SHTN1: variants seen among roughly 807,000 people sequenced by gnomAD.
The protein encoded by SHTN1 is shootin-1.
A neutral mutation model predicts 83.1 loss-of-function variants in SHTN1; 42 were observed. The ratio of observed to expected loss-of-function variants is 0.51; its 90% confidence interval spans 0.39 to 0.65. The LOEUF (loss-of-function observed/expected upper bound fraction) is 0.65, where lower values mean the gene tolerates loss of function less well. Among genes scored for constraint, SHTN1 ranks in the 30% least tolerant of loss-of-function variants. The pLI is 0.00. For missense variants in SHTN1, 622 were observed against 737.8 expected, an observed-to-expected ratio of 0.84 and a Z score of 1.82; for synonymous variants, 224 against 247.7, an observed-to-expected ratio of 0.90 and a Z score of 0.90.
intron 3 of SHTN1, among the ~76,000 whole-genome samples, chr10:116,963,544 C>T (rs748198084): frequency 8.6e-5 from 13 of 151,918 alleles, no homozygotes; most frequent in African/African-American, 2.9e-4. Context: ...ATAAAGTGTC[C>T]GTAATACTGC....
At chr10:117,099,579 A>G (rs1015747320) in intron 1 of SHTN1, among the ~76,000 whole-genome samples, 2 of 152,194 alleles carry the variant, frequency 1.3e-5, no homozygotes, top group African/African-American at 4.8e-5. Context: ...TCCAAAACTC[A>G]CATTCTTTTC....
chr10:116,971,185 T>G (rs1323948519), intron 2 of SHTN1, among the ~76,000 whole-genome samples: 2 of 152,120 alleles, frequency 1.3e-5, no homozygotes, highest in Non-Finnish European at 2.9e-5. Context: ...AGTGTTAAAT[T>G]AGCAAATCTG....
At chr10:116,970,828 T>A (rs1000562113) in intron 2 of SHTN1, among the ~76,000 whole-genome samples, 2 of 151,938 alleles carry the variant, frequency 1.3e-5, no homozygotes, top group African/African-American at 4.8e-5. Context: ...TGCTTTATGA[T>A]ACATCTAATA....
chr10:116,947,026 A>T (rs760442195), intron 7 of SHTN1, among the ~76,000 whole-genome samples: 4 of 152,008 alleles, frequency 2.6e-5, no homozygotes, highest in Non-Finnish European at 5.9e-5. Context: ...TGGACATATA[A>T]GTTATTTTTA....
chr10:116,937,390 GT>G (rs1849212803), intron 9 of SHTN1, among the ~76,000 whole-genome samples: 1 of 152,154 alleles, frequency 6.6e-6, no homozygotes, highest in Admixed American at 6.6e-5. Flanking sequence ...TTGTCTGTCT[GT>G]AAAGGATTTT....
intron 3 of SHTN1, among the ~76,000 whole-genome samples, chr10:116,966,031 G>A (rs901817103): frequency 2.6e-5 from 4 of 151,530 alleles, no homozygotes; most frequent in Admixed American, 6.6e-5. Flanking sequence ...TTTTTGAGAC[G>A]GAGTCTCACC....
In SHTN1 at chr10:117,005,133, C is replaced by G; in HGVS notation, c.-54G>C. ...GAAAGAGGGAGCGGCGCGGGGCACA[C>G]AGGAGGAGGGGGAAGAAAAAGCAAG... On this transcript the variant is annotated 5_prime_UTR_variant, in exon 1 of 17. Transcript: ENST00000355371. 3 of 1,560,700 alleles carry G rather than the reference C, an allele frequency of 1.9e-6. No homozygotes were observed. The highest frequency in any genetic ancestry group is 2.6e-6 in the Non-Finnish European group (3 of 1,151,722).
intron 9 of SHTN1, among the ~76,000 whole-genome samples, chr10:116,937,107 C>G (rs1849198343): frequency 6.6e-6 from 1 of 152,102 alleles, no homozygotes; most frequent in East Asian, 1.9e-4. Context: ...GGTCTTGACT[C>G]TTTATCCAAT....
intron 1 of SHTN1, among the ~76,000 whole-genome samples, chr10:117,063,953 A>G (rs1852935685): frequency 6.6e-6 from 1 of 152,184 alleles, no homozygotes; most frequent in South Asian, 2.1e-4. Flanking sequence ...ACTTTTCACC[A>G]TATTCCCTAA....
chr10:116,917,120 G>C (rs568256349), intron 12 of SHTN1, among the ~76,000 whole-genome samples: 2 of 152,238 alleles, frequency 1.3e-5, no homozygotes, highest in Non-Finnish European at 2.9e-5. Context: ...AGTAAATTAT[G>C]ATGGGTAGAA....
At chr10:117,118,509 A>T (rs1853882566) in intron 1 of SHTN1, among the ~76,000 whole-genome samples, 1 of 152,180 alleles carries the variant, frequency 6.6e-6, no homozygotes, top group East Asian at 1.9e-4. Flanking sequence ...AAAAAACTAA[A>T]AATAGAACTA....
At chr10:116,966,259 C>T (rs1470349373) in intron 3 of SHTN1, among the ~76,000 whole-genome samples, 2 of 152,150 alleles carry the variant, frequency 1.3e-5, no homozygotes, top group South Asian at 2.1e-4. Flanking sequence ...CCACCCGCCT[C>T]GGCCTCCCAA....
At chr10:117,028,768 T>G (rs1394789685) in intron 2 of SHTN1, among the ~76,000 whole-genome samples, 1 of 152,200 alleles carries the variant, frequency 6.6e-6, no homozygotes, top group East Asian at 1.9e-4. Context: ...TGGGAGCCTC[T>G]GCCTAGATTT....
At chr10:117,025,829 C>T (rs1052716142) in intron 2 of SHTN1, among the ~76,000 whole-genome samples, 1 of 152,070 alleles carries the variant, frequency 6.6e-6, no homozygotes, top group African/African-American at 2.4e-5. Flanking sequence ...AGGGAACCTG[C>T]TGCCTTGAAG....
chr10:117,002,544 T>C (rs1298915945), intron 1 of SHTN1, among the ~76,000 whole-genome samples: 1 of 152,216 alleles, frequency 6.6e-6, no homozygotes, highest in Non-Finnish European at 1.5e-5. Flanking sequence ...AAAATTACTA[T>C]TTTCAAAAAT....
At chr10:116,963,977 T>TC (rs1036830454) in intron 3 of SHTN1, among the ~76,000 whole-genome samples, 4 of 142,188 alleles carry the variant, frequency 2.8e-5, no homozygotes, top group African/African-American at 9.8e-5. Flanking sequence ...GTAACTGTTT[T>TC]TTTTTTTTTT....
At chr10:117,104,237 T>G (rs1853642471) in intron 1 of SHTN1, among the ~76,000 whole-genome samples, 2 of 152,170 alleles carry the variant, frequency 1.3e-5, no homozygotes, top group Admixed American at 1.3e-4. Flanking sequence ...CCAATTCAAA[T>G]AGTATCTCTC....
chr10:116,995,767 T>C (rs1433827483), intron 1 of SHTN1, among the ~76,000 whole-genome samples: 2 of 151,898 alleles, frequency 1.3e-5, no homozygotes, highest in East Asian at 3.9e-4. Flanking sequence ...AACCTCAGTT[T>C]AATGGGGCCA....
chr10:116,946,072 G>A (rs1849563571), intron 7 of SHTN1, among the ~76,000 whole-genome samples: 1 of 151,724 alleles, frequency 6.6e-6, no homozygotes, highest in Admixed American at 6.6e-5. Flanking sequence ...ATAAAAGAAA[G>A]GAAATAATAA....
Sources: allele counts gnomAD v4.1 joint callset (sites outside exome capture counted in the v4.1 genomes callset), GRCh38; gene constraint gnomAD v4.1.1; transcripts MANE v1.5; gene names NCBI Gene and HGNC (gene_info 2026-07-23, HGNC 2026-07-21).